MTHFD2L: variants seen among roughly 807,000 people sequenced by gnomAD.
The protein encoded by MTHFD2L is methylenetetrahydrofolate dehydrogenase (NADP+ dependent) 2 like, also known as bifunctional methylenetetrahydrofolate dehydrogenase/cyclohydrolase 2, mitochondrial.
A neutral mutation model predicts 34.9 loss-of-function variants in MTHFD2L; 29 were observed. The observed-to-expected ratio is 0.83, with a 90% confidence interval of 0.62 to 1.13. MTHFD2L has a LOEUF of 1.13. Among genes scored for constraint, MTHFD2L ranks in the 50% most tolerant of loss-of-function variants. MTHFD2L has a pLI of 0.00. For synonymous variants in MTHFD2L, 167 were observed against 155.7 expected (o/e 1.07, Z -0.54); for missense variants, 481 against 446.5 (o/e 1.08, Z -0.70).
chr4:74,130,240 G>A (rs1722380233), intron 1 of MTHFD2L, among the ~76,000 whole-genome samples: 4 of 151,964 alleles, frequency 2.6e-5, no homozygotes, highest in Admixed American at 2.6e-4. Flanking sequence ...ATTTTATGAG[G>A]TCATCATCAC....
intron 2 of MTHFD2L, among the ~76,000 whole-genome samples, chr4:74,117,094 A>T (rs1180750553): frequency 6.6e-6 from 1 of 152,222 alleles, no homozygotes; most frequent in Non-Finnish European, 1.5e-5. Context: ...AAATGCTTGG[A>T]GAAAGGGATT....
At position 74,201,373 on chromosome 4, in the gene MTHFD2L, A is replaced by G. The variant is rs1434704176; in HGVS notation, c.712+3A>G. ...TGGAGAGCATGAACGGCCAGGAGGT[A>G]GGTAGAACCTTGCAGATTCTACACT... On this transcript the variant is annotated splice_donor_region_variant and intron_variant, in intron 5 of 7. Transcript: ENST00000325278. The G allele has an allele frequency of 2.5e-6, 4 of 1,607,210 alleles. No individual in the cohort carries two copies. The highest frequency in any genetic ancestry group is 2.7e-5 in the African/African-American group (2 of 74,812).
chr4:74,174,185 T>G (rs1728572644), intron 1 of MTHFD2L, among the ~76,000 whole-genome samples: 2 of 152,122 alleles, frequency 1.3e-5, no homozygotes, highest in South Asian at 4.1e-4. Context: ...ATCCTCATGG[T>G]GTAATCACCA....
At chr4:74,130,619 C>G (rs948906604) in intron 1 of MTHFD2L, among the ~76,000 whole-genome samples, 2 of 152,164 alleles carry the variant, frequency 1.3e-5, no homozygotes, top group African/African-American at 4.8e-5. Context: ...GACAAACCCA[C>G]AGCCAATATC....
chr4:74,258,560 A>T (rs560662515), intron 6 of MTHFD2L, among the ~76,000 whole-genome samples: 1 of 152,306 alleles, frequency 6.6e-6, no homozygotes, highest in Admixed American at 6.5e-5. Flanking sequence ...TTCAGGACTA[A>T]CTGCAGGACT....
At chr4:74,288,413 T>G (rs1483585507) in intron 7 of MTHFD2L, 2 of 152,224 alleles carry the variant, frequency 1.3e-5, no homozygotes, top group Non-Finnish European at 2.9e-5. Flanking sequence ...TAGTCATGTG[T>G]GGAGTACAAG....
At chr4:74,274,160 T>C (rs1250298370) in intron 6 of MTHFD2L, among the ~76,000 whole-genome samples, 1 of 152,072 alleles carries the variant, frequency 6.6e-6, no homozygotes, top group Non-Finnish European at 1.5e-5. Flanking sequence ...CCTGTCAAAA[T>C]CAGTTTGAGG....
chr4:74,190,891 T>C (rs1162775267), intron 3 of MTHFD2L, among the ~76,000 whole-genome samples: 6 of 152,198 alleles, frequency 3.9e-5, no homozygotes, highest in Admixed American at 3.9e-4. Flanking sequence ...GCCTCACTTA[T>C]ATATTCATTT....
chr4:74,128,299 A>C (rs1722221490), intron 1 of MTHFD2L, among the ~76,000 whole-genome samples: 1 of 151,790 alleles, frequency 6.6e-6, no homozygotes, highest in Admixed American at 6.6e-5. Context: ...GCCCAGCCCA[A>C]TGTCCTAGAA....
chr4:74,196,509 A>T (rs1733492963), intron 3 of MTHFD2L, among the ~76,000 whole-genome samples: 1 of 152,220 alleles, frequency 6.6e-6, no homozygotes, highest in Non-Finnish European at 1.5e-5. Flanking sequence ...TATCCAACAG[A>T]TGTGGGGGAA....
At chr4:74,121,941 G>A (rs1380969522), upstream of MTHFD2L, among the ~76,000 whole-genome samples, 1 of 151,960 alleles carries the variant, frequency 6.6e-6, no homozygotes, top group Non-Finnish European at 1.5e-5. Context: ...AGAGTCCTCA[G>A]AAAAATATCA....
At chr4:74,187,142 A>C (rs758009475) in intron 3 of MTHFD2L, among the ~76,000 whole-genome samples, 67 of 152,214 alleles carry the variant, frequency 4.4e-4, no homozygotes, top group Non-Finnish European at 2.4e-4. Flanking sequence ...AAATGCTAGA[A>C]ATTAAAAACA....
At chr4:74,255,897 A>G (rs1743965249) in intron 6 of MTHFD2L, among the ~76,000 whole-genome samples, 1 of 152,172 alleles carries the variant, frequency 6.6e-6, no homozygotes, top group South Asian at 2.1e-4. Flanking sequence ...TATCCAGTCC[A>G]TTCTTTATGG....
At chr4:74,166,880 A>G (rs1202832151) in intron 1 of MTHFD2L, among the ~76,000 whole-genome samples, 2 of 152,234 alleles carry the variant, frequency 1.3e-5, no homozygotes, top group African/African-American at 4.8e-5. Context: ...ACCCAACCCC[A>G]TGGTTCTAGG....
intron 6 of MTHFD2L, chr4:74,268,137 A>G (rs1745539830): frequency 1.0e-6 from 1 of 984,330 alleles, no homozygotes; most frequent in African/African-American, 1.8e-5. Context: ...CTTTTTGAGG[A>G]TTTCTAGAAA....
chr4:74,222,382 A>G (rs1182188651), intron 5 of MTHFD2L, among the ~76,000 whole-genome samples: 2 of 152,078 alleles, frequency 1.3e-5, no homozygotes, highest in East Asian at 3.8e-4. Flanking sequence ...CTCATGATGG[A>G]AGGCAGAATG....
intron 1 of MTHFD2L, among the ~76,000 whole-genome samples, chr4:74,138,734 T>G (rs1473802854): frequency 6.6e-6 from 1 of 152,030 alleles, no homozygotes; most frequent in Non-Finnish European, 1.5e-5. Context: ...GTAAGAAACA[T>G]GGACCAGAAG....
In MTHFD2L at chr4:74,144,480, A is replaced by G. The variant is rs537155364; in HGVS notation, c.-296-15575A>G. Among the ~76,000 whole-genome samples, 12 of 152,212 alleles carry G rather than the reference A, an allele frequency of 7.9e-5. No individual in the cohort carries two copies. The East Asian group carries it at 1.9e-3, about 25-fold the overall frequency. ...AACAAAAAAACAAAAAAACAAGCTA[A>G]CAAACAAAAATAATTGTTCACTCTA... On this transcript the variant is annotated intron_variant, in intron 1 of 7. Coordinates refer to the MTHFD2L transcript ENST00000433372.
At chr4:74,254,003 C>T (rs1398335104) in intron 6 of MTHFD2L, among the ~76,000 whole-genome samples, 1 of 152,140 alleles carries the variant, frequency 6.6e-6, no homozygotes, top group Non-Finnish European at 1.5e-5. Flanking sequence ...AGGACAGGGT[C>T]CATGGACTCA....
Sources: allele counts gnomAD v4.1 joint callset (sites outside exome capture counted in the v4.1 genomes callset), GRCh38; gene constraint gnomAD v4.1.1; transcripts MANE v1.5; gene names NCBI Gene and HGNC (gene_info 2026-07-23, HGNC 2026-07-21).